Variants in KIAA1328 observed in about 807,000 individuals in gnomAD.
KIAA1328 encodes the protein protein hinderin.
In KIAA1328, 52 loss-of-function variants were observed where a neutral mutation model predicts 68.1. That is an observed-to-expected ratio of 0.76 (90% CI 0.61 to 0.96). The LOEUF is 0.96. Among genes scored for constraint, KIAA1328 ranks in the 40% least tolerant of loss-of-function variants. The pLI is 0.00. For missense variants in KIAA1328, 641 were observed against 677.6 expected (o/e 0.95, Z 0.60); for synonymous variants, 232 against 239.4 (o/e 0.97, Z 0.28).
intron 5 of KIAA1328, among the ~76,000 whole-genome samples, chr18:36,918,143 G>T (rs1488985324): frequency 5.3e-5 from 8 of 151,650 alleles, no homozygotes; most frequent in Non-Finnish European, 1.0e-4. Flanking sequence ...TCCTCTTTTT[G>T]CCTTATATTG....
chr18:36,967,860 A>G (rs1419555023), intron 6 of KIAA1328, among the ~76,000 whole-genome samples: 16 of 152,196 alleles, frequency 1.1e-4, no homozygotes, highest in African/African-American at 2.4e-5. Flanking sequence ...AATCCCAGAA[A>G]TAAGACAGTC....
chr18:36,878,332 G>C (rs915309018), intron 4 of KIAA1328, among the ~76,000 whole-genome samples: 2 of 152,076 alleles, frequency 1.3e-5, no homozygotes, highest in Non-Finnish European at 2.9e-5. Flanking sequence ...TCTTTTAAGA[G>C]TGTTGAATAT....
chr18:37,135,155 T>C (rs1243369050), intron 7 of KIAA1328, among the ~76,000 whole-genome samples: 2 of 152,202 alleles, frequency 1.3e-5, no homozygotes, highest in African/African-American at 4.8e-5. Context: ...AGTGTTGCAG[T>C]GAGCCTGTGA....
chr18:37,053,108 G>T (rs1360547472), intron 6 of KIAA1328, among the ~76,000 whole-genome samples: 1 of 152,180 alleles, frequency 6.6e-6, no homozygotes, highest in African/African-American at 2.4e-5. Flanking sequence ...CAAGGAAATA[G>T]TAATCAGAAT....
chr18:37,160,142 TA>T, intron 7 of KIAA1328, 57 bp from the exon 8 acceptor site: 3 of 1,388,668 alleles, frequency 2.2e-6, no homozygotes, highest in Non-Finnish European at 2.9e-6. Flanking sequence ...TTTAAATATC[TA>T]TGTGCTCTGT....
chr18:36,975,222 G>A (rs1009815912), intron 6 of KIAA1328, among the ~76,000 whole-genome samples: 3 of 130,194 alleles, frequency 2.3e-5, no homozygotes, highest in South Asian at 2.4e-4. Flanking sequence ...TCGCTCTGTC[G>A]CCCAGTCTGG....
intron 5 of KIAA1328, among the ~76,000 whole-genome samples, chr18:36,892,904 TG>T: frequency 6.6e-6 from 1 of 152,172 alleles, no homozygotes; most frequent in East Asian, 1.9e-4. Flanking sequence ...AGGGAGAAAT[TG>T]TGACAAAAGT....
chr18:36,949,130 A>G (rs550194754), intron 5 of KIAA1328, among the ~76,000 whole-genome samples: 5 of 152,116 alleles, frequency 3.3e-5, no homozygotes, highest in African/African-American at 4.8e-5. Context: ...TTTCTTCTAC[A>G]GTTCTAAGGT....
intron 7 of KIAA1328, among the ~76,000 whole-genome samples, chr18:37,080,581 C>T (rs1006929449): frequency 6.6e-6 from 1 of 151,968 alleles, no homozygotes; most frequent in Admixed American, 6.6e-5. Context: ...TCGACACCAT[C>T]CTGGCTAACA....
chr18:37,014,515 A>C (rs1207436208), intron 6 of KIAA1328, among the ~76,000 whole-genome samples: 2 of 152,158 alleles, frequency 1.3e-5, no homozygotes, highest in African/African-American at 4.8e-5. Flanking sequence ...GTAATTTATA[A>C]AGAAGAGTTT....
chr18:37,065,883 C>T (rs2151729516), intron 6 of KIAA1328, among the ~76,000 whole-genome samples: 1 of 152,228 alleles, frequency 6.6e-6, no homozygotes, highest in East Asian at 1.9e-4. Flanking sequence ...ACTAAGTCAG[C>T]GATGTTCAGA....
intron 7 of KIAA1328, among the ~76,000 whole-genome samples, chr18:37,119,773 A>G (rs138018940): frequency 2.6e-5 from 4 of 152,298 alleles, no homozygotes; most frequent in African/African-American, 7.2e-5. Context: ...AACAATAAGT[A>G]TAGATTTGTG....
chr18:37,161,651 G>C (rs575344455), intron 8 of KIAA1328, among the ~76,000 whole-genome samples: 1 of 152,162 alleles, frequency 6.6e-6, no homozygotes, highest in Non-Finnish European at 1.5e-5. Flanking sequence ...TCTTACCTCA[G>C]CTTCCTCTGT....
chr18:37,200,145 T>A (rs1300611004), intron 9 of KIAA1328, among the ~76,000 whole-genome samples: 2 of 152,156 alleles, frequency 1.3e-5, no homozygotes, highest in Non-Finnish European at 2.9e-5. Flanking sequence ...AACATACAAT[T>A]TGAAGAGTTT....
chr18:37,184,465 C>A (rs574978383), intron 9 of KIAA1328, among the ~76,000 whole-genome samples: 128 of 152,264 alleles, frequency 8.4e-4, no homozygotes, highest in Non-Finnish European at 1.5e-3. Flanking sequence ...TATGTTCAGC[C>A]CTATCACAGA....
intron 7 of KIAA1328, among the ~76,000 whole-genome samples, chr18:37,143,850 C>CAATGTTATATTTTGAAAA (rs1372159683): frequency 6.6e-6 from 1 of 151,714 alleles, no homozygotes; most frequent in African/African-American, 2.4e-5. Flanking sequence ...AATGTTAAGC[C>CAATGTTATATTTTGAAAA]AATGTTATAT....
At chr18:37,185,411 A>C (rs2154216298) in intron 9 of KIAA1328, among the ~76,000 whole-genome samples, 1 of 152,284 alleles carries the variant, frequency 6.6e-6, no homozygotes, top group Non-Finnish European at 1.5e-5. Flanking sequence ...ACCAACCAAA[A>C]GACATAGAAA....
In KIAA1328 at chr18:37,067,054, G is replaced by C. The variant is rs1397913501; in HGVS notation, c.741G>C (p.Leu247Phe). ...ESLIAFRNNS[L>F]KPVTLHHPKD... ...TTATAGCATTTAGGAATAATTCTTTGAAACCAGTAACCCTTCATCATCCCA... is the reference window on the plus strand; with the variant it reads ...TTATAGCATTTAGGAATAATTCTTTCAAACCAGTAACCCTTCATCATCCCA... Residue 247 changes from leucine (L) to phenylalanine (F), a missense_variant, in exon 7 of 10, where the codon TTG becomes TTC. Physicochemically the swap from Leu to Phe is conservative, Grantham distance 22. Coordinates refer to ENST00000280020, the MANE Select transcript of KIAA1328 (RefSeq NM_020776.3). 6.2e-7 allele frequency: 1 copy of C among 1,613,806 alleles called. No homozygotes were observed. The highest frequency in any genetic ancestry group is 8.5e-7 in the Non-Finnish European group (1 of 1,179,880).
At chr18:37,059,000 T>G (rs1327324024) in intron 6 of KIAA1328, among the ~76,000 whole-genome samples, 1 of 152,074 alleles carries the variant, frequency 6.6e-6, no homozygotes, top group African/African-American at 2.4e-5. Context: ...CTGTTTATTA[T>G]ATTTCACGTT....
Sources: gnomAD v4.1 joint callset for allele counts (sites outside exome capture counted in the v4.1 genomes callset) on GRCh38, gnomAD v4.1.1 for gene constraint, MANE v1.5 for transcripts, NCBI Gene and HGNC (gene_info 2026-07-23, HGNC 2026-07-21) for gene names.